Variants in MARCHF1 observed in about 807,000 individuals in gnomAD.
MARCHF1 encodes the protein membrane associated ring-CH-type finger 1.
In MARCHF1, 40 loss-of-function variants were observed where a neutral mutation model predicts 54.2. The ratio of observed to expected loss-of-function variants is 0.74; its 90% CI spans 0.57 to 0.96. The LOEUF (loss-of-function observed/expected upper bound fraction) is 0.96, where lower values mean the gene tolerates loss of function less well. Among genes scored for constraint, MARCHF1 ranks in the 40% least tolerant of loss-of-function variants. The pLI, the probability that MARCHF1 is intolerant of heterozygous loss-of-function variation, is 0.00. For synonymous variants in MARCHF1, 236 were observed against 236.3 expected (o/e 1.00, Z 0.01); for missense variants, 586 against 656.5 (o/e 0.89, Z 1.17).
chr4:164,019,569 G>A (rs1047438729), intron 2 of MARCHF1, among the ~76,000 whole-genome samples: 18 of 152,152 alleles, frequency 1.2e-4, no homozygotes, highest in African/African-American at 3.1e-4. Context: ...CTAGAATGAC[G>A]TGAAATTAAT....
At chr4:163,820,916 T>G (rs2111052243) in intron 4 of MARCHF1, among the ~76,000 whole-genome samples, 1 of 152,146 alleles carries the variant, frequency 6.6e-6, no homozygotes, top group East Asian at 1.9e-4. Flanking sequence ...GGGCTGAGCT[T>G]TTAAAAATGC....
intron 1 of MARCHF1, among the ~76,000 whole-genome samples, chr4:164,192,880 G>A (rs1731158139): frequency 6.6e-6 from 1 of 152,148 alleles, no homozygotes; most frequent in Admixed American, 6.5e-5. Flanking sequence ...CTTTTCGGAA[G>A]AAGCATTCCT....
At chr4:164,376,235 T>A (rs1178034727) in intron 1 of MARCHF1, among the ~76,000 whole-genome samples, 1 of 152,172 alleles carries the variant, frequency 6.6e-6, no homozygotes, top group Non-Finnish European at 1.5e-5. Flanking sequence ...ACCTCACAGT[T>A]ACTAGAAAAA....
intron 1 of MARCHF1, among the ~76,000 whole-genome samples, chr4:164,139,950 TCTC>T (rs1215082642): frequency 1.3e-5 from 2 of 152,068 alleles, no homozygotes; most frequent in African/African-American, 4.8e-5. Context: ...ACTTCATTTT[TCTC>T]CCCCAACCCC....
chr4:164,226,151 T>C (rs1732247357), intron 1 of MARCHF1, among the ~76,000 whole-genome samples: 1 of 151,940 alleles, frequency 6.6e-6, no homozygotes, highest in African/African-American at 2.4e-5. Context: ...TGATGAAAAT[T>C]AACATTAAGA....
intron 3 of MARCHF1, among the ~76,000 whole-genome samples, chr4:163,927,852 C>T (rs933343933): frequency 1.4e-4 from 21 of 151,960 alleles, no homozygotes; most frequent in Non-Finnish European, 2.7e-4. Flanking sequence ...TTAACATGTA[C>T]ACTCACACAA....
At chr4:163,796,577 C>T (rs6848502) in intron 4 of MARCHF1, among the ~76,000 whole-genome samples, 57,086 of 151,830 alleles carry the variant, frequency 0.38, 11,620 homozygotes, top group East Asian at 0.54. Context: ...CTTAAAAAAG[C>T]ACAACACTAT....
chr4:163,697,545 A>G (rs1363013869), intron 5 of MARCHF1, among the ~76,000 whole-genome samples: 1 of 152,154 alleles, frequency 6.6e-6, no homozygotes, highest in Non-Finnish European at 1.5e-5. Flanking sequence ...ACACTCAACT[A>G]ATGTTGATGA....
chr4:164,126,990 G>A (rs1404334331), intron 1 of MARCHF1, among the ~76,000 whole-genome samples: 2 of 152,120 alleles, frequency 1.3e-5, no homozygotes, highest in African/African-American at 2.4e-5. Context: ...GGTGACGGAG[G>A]TTGCAGTGAG....
intron 5 of MARCHF1, among the ~76,000 whole-genome samples, chr4:163,694,592 A>C (rs1226439953): frequency 6.6e-6 from 1 of 152,140 alleles, no homozygotes; most frequent in East Asian, 1.9e-4. Context: ...GTCTTGTCCT[A>C]GGAATATTCT....
rs1041728460 is a variant in MARCHF1 at position 163,525,458 on chromosome 4, G to C, written c.*3290C>G. On this transcript the variant is annotated 3_prime_UTR_variant, in exon 10 of 10. Transcript: ENST00000514618. ...ACATTGCTGTATCTCAGGTTGTTGG[G>C]CTCACTTTAGTTTAGATTTTGTTCA... The C allele has an allele frequency of 1.3e-5, 2 of 152,016 alleles. No homozygotes were observed. The highest frequency in any genetic ancestry group is 4.8e-5 in the African/African-American group (2 of 41,392). 9.4% of individuals were successfully genotyped at this position (152,016 alleles called of 1,614,324 possible).
chr4:163,841,376 T>A (rs1390972204), intron 4 of MARCHF1, among the ~76,000 whole-genome samples: 1 of 151,790 alleles, frequency 6.6e-6, no homozygotes, highest in Non-Finnish European at 1.5e-5. Context: ...GGGGCTGGGG[T>A]ATATGAAAAA....
chr4:163,685,669 G>T (rs1744246510), intron 5 of MARCHF1, among the ~76,000 whole-genome samples: 1 of 152,088 alleles, frequency 6.6e-6, no homozygotes, highest in South Asian at 2.1e-4. Flanking sequence ...GGCCAGGCTG[G>T]TCTCAAACTT....
intron 2 of MARCHF1, among the ~76,000 whole-genome samples, chr4:164,105,893 T>G (rs1317403878): frequency 6.7e-6 from 1 of 148,264 alleles, no homozygotes; most frequent in Non-Finnish European, 1.5e-5. Context: ...ATCTAGAATC[T>G]ACAATGAACT....
chr4:163,990,679 T>C (rs1752953750), intron 2 of MARCHF1, among the ~76,000 whole-genome samples: 1 of 152,186 alleles, frequency 6.6e-6, no homozygotes, highest in Non-Finnish European at 1.5e-5. Flanking sequence ...GTGGCCTGTG[T>C]GAGAAGTTCC....
chr4:163,943,685 C>T lies in MARCHF1; in HGVS notation c.-39+44816G>A, dbSNP rs151229899. 2.1e-3 allele frequency among the ~76,000 whole-genome samples: 314 copies of T among 151,024 alleles called. 1 individual carries two copies. The highest frequency in any genetic ancestry group is 5.7e-3 in the Admixed American group (86 of 15,174). On this transcript the variant is annotated intron_variant, in intron 3 of 9. Transcript: ENST00000514618. ...ACACAATAATCTGTAAAACAAACCC[C>T]CATGAGAGAAGTTTACCTACGTAAC... is the stretch of plus-strand genomic sequence containing the variant.
chr4:164,040,143 C>A, intron 2 of MARCHF1, among the ~76,000 whole-genome samples: 2 of 141,846 alleles, frequency 1.4e-5, no homozygotes, highest in East Asian at 2.0e-4. Flanking sequence ...ATTTTATATC[C>A]ATAATTTTAT....
At chr4:163,832,021 A>C (rs193275291) in intron 4 of MARCHF1, among the ~76,000 whole-genome samples, 14 of 152,328 alleles carry the variant, frequency 9.2e-5, no homozygotes, top group African/African-American at 2.9e-4. Flanking sequence ...CAAAGCTCAA[A>C]ACAGATTAGA....
chr4:164,037,027 TG>T (rs1754020128), intron 2 of MARCHF1, among the ~76,000 whole-genome samples: 3 of 152,130 alleles, frequency 2.0e-5, no homozygotes, highest in South Asian at 2.1e-4. Context: ...TAATTTAATA[TG>T]GGGGGAATAA....
Sources: allele counts gnomAD v4.1 joint callset (sites outside exome capture counted in the v4.1 genomes callset), GRCh38; gene constraint gnomAD v4.1.1; transcripts MANE v1.5; gene names NCBI Gene and HGNC (gene_info 2026-07-23, HGNC 2026-07-21).